Variants in CSMD1 observed in about 807,000 individuals in gnomAD.
CSMD1 encodes CUB and Sushi multiple domains 1.
Under a neutral mutation model 417.5 loss-of-function variants are expected in CSMD1, and 213 were observed. The observed-to-expected ratio is 0.51, with a 90% CI of 0.46 to 0.57. CSMD1 has a LOEUF of 0.57. Ranked by LOEUF, CSMD1 falls within the 20% of genes least tolerant of loss-of-function variation. The pLI is 0.00. For missense variants in CSMD1, 6,923 were observed against 4,529.7 expected (o/e 1.53, Z -15.17); for synonymous variants, 2,862 against 1,736.8 (o/e 1.65, Z -16.11).
At chr8:3,760,313 C>T (rs1397611887) in intron 5 of CSMD1, among the ~76,000 whole-genome samples, 3 of 152,238 alleles carry the variant, frequency 2.0e-5, no homozygotes, top group Admixed American at 2.0e-4. Flanking sequence ...TAAAGCAATG[C>T]CAAATTCATT....
intron 5 of CSMD1, among the ~76,000 whole-genome samples, chr8:3,785,159 T>C (rs1799386166): frequency 6.6e-6 from 1 of 152,208 alleles, no homozygotes; most frequent in African/African-American, 2.4e-5. Flanking sequence ...CTCTTGGCCT[T>C]AGTGCCTGTC....
chr8:3,674,214 C>T (rs780490111), intron 7 of CSMD1, among the ~76,000 whole-genome samples: 4 of 152,152 alleles, frequency 2.6e-5, no homozygotes, highest in African/African-American at 9.7e-5. Flanking sequence ...CTAGAATTAT[C>T]AAAAGCAGAT....
chr8:4,774,803 C>G (rs1383434457), intron 1 of CSMD1, among the ~76,000 whole-genome samples: 3 of 152,074 alleles, frequency 2.0e-5, no homozygotes, highest in South Asian at 2.1e-4. Context: ...CCGCCAACCC[C>G]CACTCGCTCT....
At chr8:3,076,862 T>C (rs1443834140) in intron 49 of CSMD1, among the ~76,000 whole-genome samples, 6 of 152,158 alleles carry the variant, frequency 3.9e-5, no homozygotes, top group Admixed American at 3.9e-4. Context: ...GTATATGATT[T>C]TTTAGATTGA....
intron 46 of CSMD1, among the ~76,000 whole-genome samples, chr8:3,100,030 G>A (rs571068423): frequency 6.9e-6 from 1 of 144,038 alleles, no homozygotes; most frequent in South Asian, 2.5e-4. Flanking sequence ...GGTGTTTTGA[G>A]GTTTGGTTTT....
intron 2 of CSMD1, among the ~76,000 whole-genome samples, chr8:4,612,224 T>C (rs1394099520): frequency 6.6e-6 from 1 of 152,158 alleles, no homozygotes; most frequent in Non-Finnish European, 1.5e-5. Context: ...ATCACCTTTG[T>C]TTTCAACACT....
rs544391421 is a variant in CSMD1, at chr8:4,943,145, A to C, written c.85+51187T>G. Among the ~76,000 whole-genome samples, 10 of 152,316 alleles carry C rather than the reference A, an allele frequency of 6.6e-5. 1 individual carries two copies. The South Asian group carries it at 2.1e-3, about 32-fold the overall frequency. ...TTAGTGGAGGATTAATTTCACTTCT[A>C]ATCAGTTAGTAAGGTCTTCATTATG... On this transcript the variant is annotated intron_variant, in intron 1 of 69. Coordinates refer to ENST00000635120, the MANE Select transcript of CSMD1 (RefSeq NM_033225.6).
chr8:4,309,637 A>C lies in CSMD1; in HGVS notation c.415+110316T>G, dbSNP rs141350102. 9.2e-5 allele frequency among the ~76,000 whole-genome samples: 14 copies of C among 152,270 alleles called. No individual in the cohort carries two copies. The East Asian group carries it at 2.5e-3, about 27-fold the overall frequency. ...GTACAACTCCCTTGGGAAGGGGCAT[A>C]CTGCTACTGAAATTAGACCGTATTT... On this transcript the variant is annotated intron_variant, in intron 3 of 69. Transcript: ENST00000635120.
chr8:4,708,028 C>T (rs1341446313), intron 1 of CSMD1, among the ~76,000 whole-genome samples: 3 of 151,988 alleles, frequency 2.0e-5, no homozygotes, highest in Admixed American at 1.3e-4. Flanking sequence ...ACTGCAGCCT[C>T]AAACTCCTTG....
At chr8:4,307,660 G>T (rs1585201072) in intron 3 of CSMD1, among the ~76,000 whole-genome samples, 1 of 152,104 alleles carries the variant, frequency 6.6e-6, no homozygotes, top group South Asian at 2.1e-4. Flanking sequence ...ATGGGAAATG[G>T]GTTAAAATAC....
intron 1 of CSMD1, among the ~76,000 whole-genome samples, chr8:4,869,735 T>A (rs1439126450): frequency 6.6e-6 from 1 of 152,066 alleles, no homozygotes; most frequent in East Asian, 1.9e-4. Flanking sequence ...TAATAAAACG[T>A]TCCATGGAAT....
Position 3,446,944 on chromosome 8 carries a change from T to C in CSMD1, c.1561+21768A>G, listed in dbSNP as rs556414216. Among the ~76,000 whole-genome samples the C allele has an allele frequency of 1.3e-4, 20 of 152,352 alleles. No homozygotes were observed. In the South Asian group the frequency reaches 4.1e-3, roughly 32 times the overall value. ...GGAAGAAAGGAAATAATTAGCATGT[T>C]GTCTGCTCACACATAGTGACTTGTT... On this transcript the variant is annotated intron_variant, in intron 12 of 69. Coordinates refer to ENST00000635120, the MANE Select transcript of CSMD1 (RefSeq NM_033225.6).
intron 1 of CSMD1, among the ~76,000 whole-genome samples, chr8:4,837,986 G>A (rs1475298293): frequency 6.6e-6 from 1 of 152,122 alleles, no homozygotes; most frequent in East Asian, 1.9e-4. Context: ...GCCAGCAGGG[G>A]GCAGCAGCTC....
chr8:4,022,769 A>C (rs561735311), intron 4 of CSMD1, among the ~76,000 whole-genome samples: 28 of 152,244 alleles, frequency 1.8e-4, no homozygotes, highest in Non-Finnish European at 4.0e-4. Context: ...GAATCAGAGA[A>C]AACAATTGTA....
intron 3 of CSMD1, among the ~76,000 whole-genome samples, chr8:4,255,563 G>T (rs1041324380): frequency 3.3e-5 from 5 of 152,250 alleles, no homozygotes; most frequent in African/African-American, 1.2e-4. Context: ...CTTCTAGATA[G>T]AATTTTTTCT....
At chr8:3,551,892 T>G (rs1798931371) in intron 10 of CSMD1, among the ~76,000 whole-genome samples, 1 of 152,028 alleles carries the variant, frequency 6.6e-6, no homozygotes, top group East Asian at 1.9e-4. Context: ...TCATGCTGAG[T>G]GTGGCATGTG....
chr8:3,835,009 C>A (rs1342213970), intron 5 of CSMD1, among the ~76,000 whole-genome samples: 1 of 152,034 alleles, frequency 6.6e-6, no homozygotes, highest in African/African-American at 2.4e-5. Context: ...AAGTCAAAAC[C>A]ACAATGAGAC....
intron 12 of CSMD1, among the ~76,000 whole-genome samples, chr8:3,450,942 G>T (rs1043252852): frequency 2.0e-5 from 3 of 152,058 alleles, no homozygotes; most frequent in Non-Finnish European, 4.4e-5. Context: ...CAGTGTAAAA[G>T]TGTTCCTATT....
intron 6 of CSMD1, among the ~76,000 whole-genome samples, chr8:3,752,641 A>G (rs1482451675): frequency 2.1e-5 from 3 of 144,422 alleles, no homozygotes; most frequent in Non-Finnish European, 4.5e-5. Context: ...ACAACAGAGC[A>G]AGACTCTGTC....
Sources: gnomAD v4.1 joint callset for allele counts (sites outside exome capture counted in the v4.1 genomes callset) on GRCh38, gnomAD v4.1.1 for gene constraint, MANE v1.5 for transcripts, NCBI Gene and HGNC (gene_info 2026-07-23, HGNC 2026-07-21) for gene names.